Variants in GALNT10 observed in about 807,000 individuals in gnomAD.
The protein encoded by GALNT10 is polypeptide N-acetylgalactosaminyltransferase 10.
Under a neutral mutation model 75.0 loss-of-function variants are expected in GALNT10, and 41 were observed. The observed-to-expected ratio is 0.55, with a 90% confidence interval of 0.43 to 0.71. The LOEUF (loss-of-function observed/expected upper bound fraction) is 0.71. Among genes scored for constraint, GALNT10 ranks in the 30% least tolerant of loss-of-function variants. The pLI is 0.00. For missense variants in GALNT10, 727 were observed against 818.5 expected (o/e 0.89, Z 1.36); for synonymous variants, 302 against 313.0 (o/e 0.96, Z 0.37).
chr5:154,272,194 T>C (rs1561646572), intron 1 of GALNT10, among the ~76,000 whole-genome samples: 1 of 152,002 alleles, frequency 6.6e-6, no homozygotes, highest in African/African-American at 2.4e-5. Flanking sequence ...CAAGAAGCGC[T>C]CCCCAACTTC....
Position 154,417,274 on chromosome 5 carries a change from A to C in GALNT10, c.*302A>C, listed in dbSNP as rs944374292. On this transcript the variant is annotated 3_prime_UTR_variant, in exon 12 of 12. Coordinates refer to ENST00000297107, the MANE Select transcript of GALNT10 (RefSeq NM_198321.4). The stretch of plus-strand genomic sequence containing the variant: ...TCAACTTTGTCACTATGTCCCCTTG[A>C]ACATTATGTGGGAGAACACCAAGGT... 2 of 310,382 alleles carry C rather than the reference A, an allele frequency of 6.4e-6. No individual in the cohort carries two copies. Among genetic ancestry groups the C allele is most frequent in the African/African-American group, 4.2e-5 (2 of 47,146 alleles). 19.2% of individuals were successfully genotyped at this position (310,382 alleles called of 1,614,324 possible).
At position 154,363,277 on chromosome 5, in the gene GALNT10, T is replaced by A. The variant is rs988552841; in HGVS notation, c.569-13000T>A. On this transcript the variant is annotated intron_variant, in intron 4 of 11. Coordinates refer to ENST00000297107, the MANE Select transcript of GALNT10 (RefSeq NM_198321.4). ...GTCACTCAGATGTTACATTCTGCCA[T>A]GATGGTTAAAACATTTTTTTTCAAA... Among the ~76,000 whole-genome samples, 4 of 152,134 alleles carry A rather than the reference T, an allele frequency of 2.6e-5. No individual in the cohort carries two copies. In the East Asian group the frequency reaches 5.8e-4, roughly 22 times the overall value.
intron 4 of GALNT10, among the ~76,000 whole-genome samples, chr5:154,370,257 G>A (rs142923592): frequency 1.4e-3 from 217 of 152,334 alleles, no homozygotes; most frequent in Non-Finnish European, 2.4e-3. Flanking sequence ...TGCTAGGCAC[G>A]AGGACACCCT....
At chr5:154,401,801 C>A (rs1475600252) in intron 7 of GALNT10, among the ~76,000 whole-genome samples, 2 of 152,142 alleles carry the variant, frequency 1.3e-5, no homozygotes, top group Non-Finnish European at 2.9e-5. Flanking sequence ...CCTTCTAGAG[C>A]CCCTGAATTA....
At chr5:154,236,991 A>G (rs1753257584) in intron 1 of GALNT10, among the ~76,000 whole-genome samples, 1 of 152,182 alleles carries the variant, frequency 6.6e-6, no homozygotes, top group Non-Finnish European at 1.5e-5. Context: ...GTGTAGCTAA[A>G]TACCAAAACC....
chr5:154,409,826 C>T lies in GALNT10; in HGVS notation c.1386+64C>T, dbSNP rs1286966176. 5 of 1,089,270 alleles carry T rather than the reference C, an allele frequency of 4.6e-6. No individual in the cohort carries two copies. The highest frequency in any genetic ancestry group is 7.1e-6 in the Non-Finnish European group (5 of 706,156). The allele number at this position is 1,089,270 out of a possible 1,614,324, so 67.5% of individuals were successfully genotyped here. On this transcript the variant is annotated intron_variant, in intron 9 of 11. Transcript: ENST00000297107. The surrounding 1 kb of genome is among the most constrained non-coding windows in gnomAD (Gnocchi z 4.5). Reference sequence around the variant, plus strand: ...GGTGTGCAAAATGCAAATGCAGATCCCATGTTCAAAAGGTAGAAAGTCAGT... The same window carrying T: ...GGTGTGCAAAATGCAAATGCAGATCTCATGTTCAAAAGGTAGAAAGTCAGT...
At chr5:154,247,572 A>G (rs1753448593) in intron 1 of GALNT10, among the ~76,000 whole-genome samples, 1 of 152,196 alleles carries the variant, frequency 6.6e-6, no homozygotes, top group Non-Finnish European at 1.5e-5. Flanking sequence ...CTTTGAAGCA[A>G]TTGTGAATGG....
chr5:154,213,628 C>T (rs958897243), intron 1 of GALNT10, among the ~76,000 whole-genome samples: 1 of 152,090 alleles, frequency 6.6e-6, no homozygotes, highest in Admixed American at 6.5e-5. Flanking sequence ...ACTGTGTGGC[C>T]CAGACTGAAG....
intron 1 of GALNT10, among the ~76,000 whole-genome samples, chr5:154,237,310 G>A (rs1753262452): frequency 6.6e-6 from 1 of 152,164 alleles, no homozygotes; most frequent in Admixed American, 6.5e-5. Context: ...GTGCTTGACT[G>A]TGAAATTATT....
intron 4 of GALNT10, among the ~76,000 whole-genome samples, chr5:154,347,994 G>A (rs1352721261): frequency 6.6e-6 from 1 of 152,224 alleles, no homozygotes; most frequent in African/African-American, 2.4e-5. Flanking sequence ...AGGCTGTAAT[G>A]TAATTGCAAG....
intron 1 of GALNT10, among the ~76,000 whole-genome samples, chr5:154,265,193 T>C (rs936048607): frequency 6.6e-6 from 1 of 152,210 alleles, no homozygotes. Context: ...ATCAAGACTT[T>C]AGTTCCCTGT....
chr5:154,346,509 A>G (rs1033356534), intron 4 of GALNT10, among the ~76,000 whole-genome samples: 1 of 152,254 alleles, frequency 6.6e-6, no homozygotes, highest in East Asian at 1.9e-4. Flanking sequence ...CACATGCAGT[A>G]CATACTTTCA....
At chr5:154,382,458 T>A (rs1301262620) in intron 6 of GALNT10, among the ~76,000 whole-genome samples, 1 of 152,244 alleles carries the variant, frequency 6.6e-6, no homozygotes, top group Non-Finnish European at 1.5e-5. Context: ...AATCCTCAGT[T>A]GACCTAAATC....
At chr5:154,271,269 C>G (rs1038025146) in intron 1 of GALNT10, among the ~76,000 whole-genome samples, 4 of 151,892 alleles carry the variant, frequency 2.6e-5, no homozygotes, top group African/African-American at 9.7e-5. Context: ...GAGTTCGAGA[C>G]CAGCCTGACC....
chr5:154,320,967 A>G (rs971885245), intron 3 of GALNT10, among the ~76,000 whole-genome samples: 2 of 152,216 alleles, frequency 1.3e-5, no homozygotes, highest in African/African-American at 4.8e-5. Flanking sequence ...TGCCTCTAGC[A>G]GAGGTACAAT....
chr5:154,309,247 T>C (rs1391316358), intron 3 of GALNT10, among the ~76,000 whole-genome samples: 1 of 152,004 alleles, frequency 6.6e-6, no homozygotes, highest in Non-Finnish European at 1.5e-5. Flanking sequence ...CCACTGTGCC[T>C]GGCTTGTGGA....
intron 7 of GALNT10, 172 bp downstream of exon 7, chr5:154,386,602 G>A (rs2113185944): frequency 3.2e-6 from 2 of 629,844 alleles, no homozygotes; most frequent in Non-Finnish European, 5.7e-6. Flanking sequence ...TTTGTTGTGG[G>A]GTGGGGGGGT....
At chr5:154,201,758 G>A (rs762756140) in intron 1 of GALNT10, among the ~76,000 whole-genome samples, 6 of 151,868 alleles carry the variant, frequency 4.0e-5, no homozygotes, top group African/African-American at 7.3e-5. Context: ...GTAAAACCCC[G>A]TCTCTACTAA....
intron 4 of GALNT10, among the ~76,000 whole-genome samples, chr5:154,354,952 A>G (rs1755264854): frequency 6.6e-6 from 1 of 152,192 alleles, no homozygotes; most frequent in Admixed American, 6.5e-5. Context: ...TAAATTGGAT[A>G]TTGCTTTTGC....
Sources: gnomAD v4.1 joint callset for allele counts (sites outside exome capture counted in the v4.1 genomes callset) on GRCh38, gnomAD v4.1.1 for gene constraint, Gnocchi (gnomAD v3.1) non-coding constraint, MANE v1.5 for transcripts, NCBI Gene and HGNC (gene_info 2026-07-23, HGNC 2026-07-21) for gene names.